CDC42SE2: variants seen among roughly 807,000 people sequenced by gnomAD.
The protein encoded by CDC42SE2 is CDC42 small effector 2, also known as CDC42 small effector protein 2.
In CDC42SE2, 3 loss-of-function variants were observed where a neutral mutation model predicts 11.5. The observed-to-expected ratio is 0.26, with a 90% CI of 0.12 to 0.67. The LOEUF is 0.67. Ranked by LOEUF, CDC42SE2 falls within the 30% of genes least tolerant of loss-of-function variation. The probability of loss-of-function intolerance (pLI) is 0.80; values close to 1 mark genes in which losing one functional copy is unlikely to be tolerated. For missense variants in CDC42SE2, 82 were observed against 106.8 expected, an observed-to-expected ratio of 0.77 and a Z score of 1.02; for synonymous variants, 33 against 34.8, an observed-to-expected ratio of 0.95 and a Z score of 0.18.
chr5:131,317,750 T>C (rs1312042930), intron 2 of CDC42SE2, among the ~76,000 whole-genome samples: 1 of 152,172 alleles, frequency 6.6e-6, no homozygotes, highest in Non-Finnish European at 1.5e-5. Context: ...TCTGTGGTGT[T>C]ACTTTCAGTT....
chr5:131,306,817 A>T (rs1178397660), intron 1 of CDC42SE2, among the ~76,000 whole-genome samples: 1 of 152,118 alleles, frequency 6.6e-6, no homozygotes, highest in Non-Finnish European at 1.5e-5. Flanking sequence ...TCCTTGGTTA[A>T]ATTTAATCCT....
intron 1 of CDC42SE2, among the ~76,000 whole-genome samples, chr5:131,274,055 C>G (rs1195516313): frequency 6.6e-6 from 1 of 152,186 alleles, no homozygotes; most frequent in African/African-American, 2.4e-5. Context: ...CAGGCGTGAG[C>G]TACTGCGCCC....
chr5:131,213,164 G>C, the CDC42SE2 span, among the ~76,000 whole-genome samples: 1 of 152,160 alleles, frequency 6.6e-6, no homozygotes, highest in Non-Finnish European at 1.5e-5. Flanking sequence ...TTGCACTCCA[G>C]CCTGGGCAAC....
intron 3 of CDC42SE2, among the ~76,000 whole-genome samples, chr5:131,362,511 GT>G (rs1383311525): frequency 1.3e-5 from 2 of 152,100 alleles, no homozygotes; most frequent in Non-Finnish European, 2.9e-5. Context: ...ATCTGCTAAA[GT>G]TTTCTAAAAT....
intron 1 of CDC42SE2, among the ~76,000 whole-genome samples, chr5:131,311,459 C>T (rs962920532): frequency 6.6e-6 from 1 of 151,336 alleles, no homozygotes; most frequent in Non-Finnish European, 1.5e-5. Context: ...TTGTGGCGTT[C>T]TCTGTATTTC....
intron 1 of CDC42SE2, among the ~76,000 whole-genome samples, chr5:131,253,449 C>G (rs1756656691): frequency 6.6e-6 from 1 of 152,188 alleles, no homozygotes; most frequent in Non-Finnish European, 1.5e-5. Context: ...CCTATTAACT[C>G]TCCCTTAAAG....
At chr5:131,346,288 A>G (rs527996668) in intron 2 of CDC42SE2, among the ~76,000 whole-genome samples, 42 of 152,338 alleles carry the variant, frequency 2.8e-4, no homozygotes, top group African/African-American at 9.9e-4. Flanking sequence ...CATAGGCTCA[A>G]AATAAAGGGA....
intron 1 of CDC42SE2, among the ~76,000 whole-genome samples, chr5:131,310,577 A>G (rs1020604259): frequency 2.6e-5 from 4 of 151,310 alleles, no homozygotes; most frequent in Admixed American, 1.3e-4. Flanking sequence ...AATGTGTGGG[A>G]GTCTAAGTCT....
chr5:131,330,134 C>T (rs1014692714), intron 2 of CDC42SE2, among the ~76,000 whole-genome samples: 42 of 152,146 alleles, frequency 2.8e-4, no homozygotes, highest in African/African-American at 6.3e-4. Context: ...TTTATTTACA[C>T]GTCCGGTGAT....
intron 2 of CDC42SE2, among the ~76,000 whole-genome samples, chr5:131,350,600 A>G (rs1005141570): frequency 2.1e-5 from 3 of 144,398 alleles, no homozygotes; most frequent in African/African-American, 5.5e-5. Flanking sequence ...ATACAACAAA[A>G]TTTATTTTGT....
At chr5:131,329,037 G>T (rs1353482636) in intron 2 of CDC42SE2, among the ~76,000 whole-genome samples, 1 of 152,176 alleles carries the variant, frequency 6.6e-6, no homozygotes, top group Non-Finnish European at 1.5e-5. Context: ...GAGAGGGGCG[G>T]GAAGAGTGAA....
At chr5:131,276,874 T>C (rs1343079227) in intron 1 of CDC42SE2, among the ~76,000 whole-genome samples, 1 of 152,034 alleles carries the variant, frequency 6.6e-6, no homozygotes, top group Non-Finnish European at 1.5e-5. Flanking sequence ...ATTACAGGCA[T>C]GCACCATCAT....
At chr5:131,222,096 G>A in the CDC42SE2 span, among the ~76,000 whole-genome samples, 1 of 152,200 alleles carries the variant, frequency 6.6e-6, no homozygotes, top group Non-Finnish European at 1.5e-5. Flanking sequence ...GCTCACATGG[G>A]TGAGTGTTTC....
chr5:131,367,276 G>T (rs1198430689), intron 3 of CDC42SE2, among the ~76,000 whole-genome samples: 2 of 151,560 alleles, frequency 1.3e-5, no homozygotes, highest in African/African-American at 2.4e-5. Flanking sequence ...CTAGTTTTAA[G>T]TTTTTTTTCT....
the CDC42SE2 span, among the ~76,000 whole-genome samples, chr5:131,230,649 A>G: frequency 1.3e-5 from 2 of 152,226 alleles, no homozygotes; most frequent in Non-Finnish European, 2.9e-5. Context: ...TGGGAAATGT[A>G]GTTGTCAGCC....
chr5:131,384,403 A>G (rs994103453), intron 3 of CDC42SE2, among the ~76,000 whole-genome samples: 1 of 152,214 alleles, frequency 6.6e-6, no homozygotes, highest in Admixed American at 6.5e-5. Context: ...TCAGTAGATA[A>G]GGACATAAAA....
intron 1 of CDC42SE2, among the ~76,000 whole-genome samples, chr5:131,247,730 C>A (rs1756608243): frequency 6.6e-6 from 1 of 152,166 alleles, no homozygotes; most frequent in East Asian, 1.9e-4. Flanking sequence ...TAACCTGGAA[C>A]TCCTGGGCTC....
chr5:131,377,423 C>T, intron 3 of CDC42SE2, among the ~76,000 whole-genome samples: 1 of 152,184 alleles, frequency 6.6e-6, no homozygotes, highest in East Asian at 1.9e-4. Flanking sequence ...CCCGCCTCAG[C>T]CTCCCAAAGT....
At chr5:131,229,166 G>GGTGT in the CDC42SE2 span, among the ~76,000 whole-genome samples, 42 of 149,630 alleles carry the variant, frequency 2.8e-4, no homozygotes, top group African/African-American at 9.5e-4. Flanking sequence ...TACCTTATGG[G>GGTGT]GTGTGTGTGT....
Sources: gnomAD v4.1 joint callset for allele counts (sites outside exome capture counted in the v4.1 genomes callset) on GRCh38, gnomAD v4.1.1 for gene constraint, MANE v1.5 for transcripts, NCBI Gene and HGNC (gene_info 2026-07-23, HGNC 2026-07-21) for gene names.